NBEA: variants seen among roughly 807,000 people sequenced by gnomAD.
The protein encoded by NBEA is neurobeachin.
In NBEA, 44 loss-of-function variants were observed where a neutral mutation model predicts 343.4. The observed-to-expected ratio is 0.13, with a 90% CI of 0.10 to 0.16. The LOEUF (loss-of-function observed/expected upper bound fraction) is 0.16, where lower values mean the gene tolerates loss of function less well. Ranked by LOEUF, NBEA falls within the 10% of genes least tolerant of loss-of-function variation. The probability of loss-of-function intolerance (pLI) is 1.00; values close to 1 mark genes in which losing one functional copy is unlikely to be tolerated. For missense variants in NBEA, 2,555 were observed against 3,631.3 expected (o/e 0.70, Z 7.62); for synonymous variants, 1,175 against 1,238.7 (o/e 0.95, Z 1.08).
chr13:35,648,160 G>C (rs991519709), intron 51 of NBEA, among the ~76,000 whole-genome samples: 1 of 147,768 alleles, frequency 6.8e-6, no homozygotes, highest in Non-Finnish European at 1.5e-5. Flanking sequence ...CACCATGCCT[G>C]CCTGGTGTGT....
intron 49 of NBEA, among the ~76,000 whole-genome samples, chr13:35,644,999 T>C (rs2084153854): frequency 6.6e-6 from 1 of 152,256 alleles, no homozygotes; most frequent in Non-Finnish European, 1.5e-5. Flanking sequence ...GGCTAAAATA[T>C]GGCAGATAAT....
chr13:35,412,932 T>C (rs1454002975), intron 38 of NBEA, among the ~76,000 whole-genome samples: 7 of 152,150 alleles, frequency 4.6e-5, no homozygotes, highest in Non-Finnish European at 7.3e-5. Context: ...TTAATAATAG[T>C]ACCTATCTCA....
intron 41 of NBEA, among the ~76,000 whole-genome samples, chr13:35,526,391 A>G (rs528691012): frequency 6.6e-5 from 10 of 152,202 alleles, no homozygotes; most frequent in South Asian, 2.1e-4. Flanking sequence ...CATGATTGTA[A>G]TCTCAGCACT....
intron 33 of NBEA, among the ~76,000 whole-genome samples, chr13:35,221,451 G>A (rs2074366439): frequency 6.6e-6 from 1 of 151,402 alleles, no homozygotes; most frequent in Non-Finnish European, 1.5e-5. Context: ...TAAAGTCTTT[G>A]ATTATTTATC....
At position 35,120,382 on chromosome 13, in the gene NBEA, C is replaced by T. The variant is rs117804472; in HGVS notation, c.2243+1908C>T. Among the ~76,000 whole-genome samples the T allele has an allele frequency of 2.2e-4, 33 of 152,206 alleles. No individual in the cohort carries two copies. The East Asian group carries it at 6.4e-3, about 29-fold the overall frequency. ...AAAAACAATCACACAGATTAAAAAACGGCCTTTCCTTGACACTTCAGCTTT... is the reference window on the plus strand; with the variant it reads ...AAAAACAATCACACAGATTAAAAAATGGCCTTTCCTTGACACTTCAGCTTT... On this transcript the variant is annotated intron_variant, in intron 16 of 58. Transcript: ENST00000379939.
intron 35 of NBEA, among the ~76,000 whole-genome samples, chr13:35,298,207 GTGTGTATATA>G (rs797006819): frequency 0.021 from 336 of 16,116 alleles, 5 homozygotes; most frequent in East Asian, 0.16. Flanking sequence ...GTGTGTGTGT[GTGTGTATATA>G]TATATATATA....
At chr13:35,535,266 T>A (rs1262777521) in intron 41 of NBEA, among the ~76,000 whole-genome samples, 1 of 152,190 alleles carries the variant, frequency 6.6e-6, no homozygotes, top group African/African-American at 2.4e-5. Flanking sequence ...AGTAGGTGCA[T>A]TGTGTAGTTG....
In NBEA at chr13:34,989,139, T is replaced by G. The variant is rs2060660708; in HGVS notation, c.294+46025T>G. 1.3e-5 allele frequency among the ~76,000 whole-genome samples: 2 copies of G among 151,020 alleles called. 1 individual carries two copies. Among genetic ancestry groups the G allele is most frequent in the African/African-American group, 4.8e-5 (2 of 41,366 alleles). ...TTAATGATTCTTCTACATCTCTAGC[T>G]TTTCAGTCTAGAGTTGTTACCATAC... On this transcript the variant is annotated intron_variant, in intron 1 of 58. Coordinates refer to ENST00000379939, the MANE Select transcript of NBEA (RefSeq NM_001385012.1).
At chr13:35,290,293 G>GT (rs910346686) in intron 34 of NBEA, 96 bp from the exon 35 acceptor site, 61 of 779,440 alleles carry the variant, frequency 7.8e-5, no homozygotes, top group African/African-American at 2.7e-4. Context: ...TTAAAAGAAA[G>GT]TTTTTTTTAT....
intron 38 of NBEA, among the ~76,000 whole-genome samples, chr13:35,426,514 A>G (rs996734277): frequency 6.6e-6 from 1 of 152,188 alleles, no homozygotes; most frequent in African/African-American, 2.4e-5. Flanking sequence ...CCAAGAGATC[A>G]GCTGTTAGTC....
intron 40 of NBEA, among the ~76,000 whole-genome samples, chr13:35,471,856 A>G (rs866796774): frequency 2.0e-5 from 3 of 151,258 alleles, no homozygotes; most frequent in African/African-American, 7.3e-5. Flanking sequence ...ATGTGTGTGT[A>G]GCGCGCCTTA....
intron 56 of NBEA, 73 bp from the exon 57 acceptor site, chr13:35,667,301 T>G: frequency 7.7e-7 from 1 of 1,301,394 alleles, no homozygotes; most frequent in South Asian, 1.3e-5. Flanking sequence ...CAGCAAGGTT[T>G]TCAGGTTGGT....
chr13:35,459,815 G>C (rs538588034), intron 40 of NBEA, among the ~76,000 whole-genome samples: 36 of 152,288 alleles, frequency 2.4e-4, no homozygotes, highest in Admixed American at 1.5e-3. Context: ...AATTCTAAAA[G>C]CTAAGAGTTT....
chr13:35,601,777 A>T (rs57562299), intron 47 of NBEA, among the ~76,000 whole-genome samples: 1 of 85,172 alleles, frequency 1.2e-5, no homozygotes, highest in Non-Finnish European at 2.4e-5. Context: ...AAAAAAAAAA[A>T]AAAAAAAAGA....
At chr13:35,101,142 T>C (rs2065628476) in intron 11 of NBEA, among the ~76,000 whole-genome samples, 2 of 152,052 alleles carry the variant, frequency 1.3e-5, no homozygotes, top group Admixed American at 6.5e-5. Context: ...TTGGCTATTA[T>C]GAATAAAGCT....
At chr13:35,186,766 ATTTTTTG>A (rs2071739033) in intron 30 of NBEA, 1 of 152,076 alleles carries the variant, frequency 6.6e-6, no homozygotes, top group Non-Finnish European at 1.5e-5. Flanking sequence ...TTTACCTAAA[ATTTTTTG>A]TTTAGTTATG....
intron 54 of NBEA, 118 bp from the exon 55 acceptor site, chr13:35,655,461 A>G: frequency 8.8e-7 from 1 of 1,133,874 alleles, no homozygotes; most frequent in Non-Finnish European, 1.2e-6. Context: ...TTTTCACAAA[A>G]CTGGTAAAAT....
At chr13:35,045,718 T>C (rs1252239451) in intron 4 of NBEA, among the ~76,000 whole-genome samples, 5 of 151,632 alleles carry the variant, frequency 3.3e-5, no homozygotes, top group Non-Finnish European at 7.4e-5. Context: ...TTTTGTTTTG[T>C]TTTGTTTTGT....
At chr13:35,170,776 A>G (rs1017294726) in intron 25 of NBEA, among the ~76,000 whole-genome samples, 1 of 151,898 alleles carries the variant, frequency 6.6e-6, no homozygotes, top group African/African-American at 2.4e-5. Context: ...TATGCATTCT[A>G]ATTTGACAGC....
Sources: allele counts gnomAD v4.1 joint callset (sites outside exome capture counted in the v4.1 genomes callset), GRCh38; gene constraint gnomAD v4.1.1; transcripts MANE v1.5; gene names NCBI Gene and HGNC (gene_info 2026-07-23, HGNC 2026-07-21).